The following TCERG1L variants were observed in gnomAD, a reference collection of about 807,000 sequenced individuals.
The protein encoded by TCERG1L is transcription elongation regulator 1 like.
TCERG1L carries 37 observed loss-of-function variants against 56.3 expected under a neutral mutation model. The observed-to-expected ratio is 0.66, with a 90% CI of 0.51 to 0.87. The LOEUF (loss-of-function observed/expected upper bound fraction) is 0.87. TCERG1L is among the 40% of genes least tolerant of loss of function. TCERG1L has a pLI of 0.00. For synonymous variants in TCERG1L, 324 were observed against 326.3 expected, an observed-to-expected ratio of 0.99 and a Z score of 0.08; for missense variants, 799 against 774.2, an observed-to-expected ratio of 1.03 and a Z score of -0.38.
chr10:131,201,518 G>A (rs1032238834), intron 4 of TCERG1L, among the ~76,000 whole-genome samples: 18 of 152,166 alleles, frequency 1.2e-4, no homozygotes, highest in Non-Finnish European at 2.4e-4. Context: ...TGCCAATGTA[G>A]AATTGTTGCT....
intron 10 of TCERG1L, among the ~76,000 whole-genome samples, chr10:131,098,814 G>A (rs886209312): frequency 6.6e-6 from 1 of 152,172 alleles, no homozygotes; most frequent in Non-Finnish European, 1.5e-5. Context: ...TCTGTAACGC[G>A]CGGCCTCCCA....
intron 4 of TCERG1L, among the ~76,000 whole-genome samples, chr10:131,217,717 T>A (rs1845685419): frequency 1.0e-5 from 1 of 96,890 alleles, no homozygotes; most frequent in South Asian, 3.8e-4. Flanking sequence ...CCTTTTTTTT[T>A]TTTTTTTTTT....
At chr10:131,271,009 G>A (rs147780397) in intron 3 of TCERG1L, among the ~76,000 whole-genome samples, 134 of 152,246 alleles carry the variant, frequency 8.8e-4, no homozygotes, top group African/African-American at 3.0e-3. Context: ...CCCTGGGGCC[G>A]AGTGCACTGA....
intron 8 of TCERG1L, among the ~76,000 whole-genome samples, chr10:131,129,329 C>T (rs917860167): frequency 1.3e-5 from 2 of 152,032 alleles, no homozygotes; most frequent in Non-Finnish European, 2.9e-5. Flanking sequence ...TTTAAAATTC[C>T]TTATATTGTA....
rs755084758 is a variant in TCERG1L, at chr10:131,260,214, C to T, written c.856+45G>A. 6 of 1,317,208 alleles carry T rather than the reference C, an allele frequency of 4.6e-6. No homozygotes were observed. The highest frequency in any genetic ancestry group is 3.0e-5 in the African/African-American group (2 of 66,060). 81.6% of individuals were successfully genotyped at this position (1,317,208 alleles called of 1,614,324 possible). A position where few individuals can be genotyped will look rare whatever the true frequency, so the allele number is the denominator to read the frequency against. ...CATCTAACCAGGAAGCCTCCGCGCG[C>T]TCGCTAAGGCAGCACCAGGCGTCGG... On this transcript the variant is annotated intron_variant, in intron 4 of 11. Transcript: ENST00000368642. This position sits in a 1 kb window ranked among gnomAD's most constrained non-coding sequence, Gnocchi z 5.8.
At position 131,093,102 on chromosome 10, in the gene TCERG1L, C is replaced by A. The variant is rs1195025812; in HGVS notation, c.*60G>T. On this transcript the variant is annotated 3_prime_UTR_variant, in exon 12 of 12. Transcript: ENST00000368642. ...ACGCCCGTGTCCGTCTCCACCGTGA[C>A]CCCCTCGCCCCCGGCACGCCCAGGG... is the stretch of plus-strand genomic sequence containing the variant. 3.2e-6 allele frequency: 5 copies of A among 1,573,858 alleles called. No individual in the cohort carries two copies. Among genetic ancestry groups the A allele is most frequent in the Admixed American group, 1.8e-5 (1 of 55,990 alleles).
At chr10:131,163,045 C>T (rs1458200890) in intron 6 of TCERG1L, 77 bp downstream of exon 6, 1 of 1,160,046 alleles carries the variant, frequency 8.6e-7, no homozygotes, top group Admixed American at 3.1e-5. Context: ...CATGCAGTGT[C>T]TCTTTGGTGA....
intron 10 of TCERG1L, among the ~76,000 whole-genome samples, chr10:131,099,683 C>A (rs1338919726): frequency 1.3e-5 from 2 of 152,138 alleles, no homozygotes; most frequent in Non-Finnish European, 1.5e-5. Flanking sequence ...GGCTTTCTTC[C>A]CACTTTGTCT....
intron 4 of TCERG1L, among the ~76,000 whole-genome samples, chr10:131,184,553 G>A (rs1030293762): frequency 3.3e-5 from 5 of 152,210 alleles, no homozygotes; most frequent in African/African-American, 9.7e-5. Flanking sequence ...ACCAGTCAGC[G>A]AGGGATCCCA....
chr10:131,154,657 G>C (rs1296024298), intron 6 of TCERG1L, among the ~76,000 whole-genome samples: 1 of 152,192 alleles, frequency 6.6e-6, no homozygotes, highest in Admixed American at 6.5e-5. Context: ...GCTGGGTGAG[G>C]GACTAGGGCT....
intron 4 of TCERG1L, among the ~76,000 whole-genome samples, chr10:131,183,012 CG>C (rs954025473): frequency 6.6e-6 from 1 of 152,102 alleles, no homozygotes; most frequent in African/African-American, 2.4e-5. Flanking sequence ...TGATTTGTAA[CG>C]TCAGGCTGCA....
intron 4 of TCERG1L, among the ~76,000 whole-genome samples, chr10:131,194,473 G>A (rs910194208): frequency 3.3e-5 from 5 of 152,196 alleles, no homozygotes; most frequent in African/African-American, 1.2e-4. Flanking sequence ...GATAAGGTTT[G>A]TGACATGCTG....
intron 4 of TCERG1L, among the ~76,000 whole-genome samples, chr10:131,211,007 C>G (rs909417643): frequency 1.3e-5 from 2 of 152,238 alleles, no homozygotes; most frequent in Non-Finnish European, 2.9e-5. Context: ...AATCAAACGT[C>G]TAAGGACATT....
chr10:131,191,378 C>A (rs1044669857), intron 4 of TCERG1L, among the ~76,000 whole-genome samples: 2 of 143,904 alleles, frequency 1.4e-5, no homozygotes, highest in Admixed American at 6.9e-5. Flanking sequence ...TTAGAAAAAA[C>A]AATTCTAAAA....
At chr10:131,231,457 G>A (rs929545148) in intron 4 of TCERG1L, among the ~76,000 whole-genome samples, 1 of 152,202 alleles carries the variant, frequency 6.6e-6, no homozygotes, top group African/African-American at 2.4e-5. Flanking sequence ...AAGAATTGCA[G>A]CCCTGGAGCC....
In TCERG1L at chr10:131,254,302, A is replaced by AATATATATATATATATATATAT. The variant is rs57689050; in HGVS notation, c.856+5956_856+5957insATATATATATATATATATATAT. On this transcript the variant is annotated intron_variant, in intron 4 of 11. Coordinates refer to ENST00000368642, the MANE Select transcript of TCERG1L (RefSeq NM_174937.4). The stretch of plus-strand genomic sequence containing the variant: ...CCAGAGCAGGCAATCACTGGATTTA[A>AATATATATATATATATATATAT]ATATATATATATATATATAGTAAGT... Among the ~76,000 whole-genome samples the AATATATATATATATATATATAT allele has an allele frequency of 2.7e-3, 389 of 142,660 alleles. 2 individuals carry two copies. The highest frequency in any genetic ancestry group is 0.022 in the East Asian group (103 of 4,768). 93.6% of individuals were successfully genotyped at this position (142,660 alleles called of 152,430 possible). A position where few individuals can be genotyped will look rare whatever the true frequency, so the allele number is the denominator to read the frequency against.
intron 4 of TCERG1L, among the ~76,000 whole-genome samples, chr10:131,217,396 A>G (rs1203289824): frequency 6.6e-6 from 1 of 152,174 alleles, no homozygotes. Context: ...CCTGCAGAAT[A>G]GTGAGCCAAT....
chr10:131,192,254 GACA>G (rs1202324470), intron 4 of TCERG1L, among the ~76,000 whole-genome samples: 2 of 143,762 alleles, frequency 1.4e-5, no homozygotes, highest in African/African-American at 2.6e-5. Context: ...TATACAAATG[GACA>G]ACAACCATGA....
intron 5 of TCERG1L, among the ~76,000 whole-genome samples, chr10:131,166,348 T>C (rs1029900955): frequency 9.2e-5 from 14 of 152,268 alleles, no homozygotes; most frequent in Non-Finnish European, 1.8e-4. Context: ...GAGGAAGGAC[T>C]GTACTATTGA....
Sources: gnomAD v4.1 joint callset for allele counts (sites outside exome capture counted in the v4.1 genomes callset) on GRCh38, gnomAD v4.1.1 for gene constraint, Gnocchi (gnomAD v3.1) non-coding constraint, MANE v1.5 for transcripts, NCBI Gene and HGNC (gene_info 2026-07-23, HGNC 2026-07-21) for gene names.